NRXN1: variants seen among roughly 807,000 people sequenced by gnomAD.
NRXN1 encodes neurexin 1.
A neutral mutation model predicts 150.9 loss-of-function variants in NRXN1; 39 were observed. That is an observed-to-expected ratio of 0.26 (90% confidence interval 0.20 to 0.34). NRXN1 has a LOEUF of 0.34. NRXN1 is among the 10% of genes least tolerant of loss of function. The pLI is 1.00. For missense variants in NRXN1, 1,815 were observed against 1,949.9 expected (o/e 0.93, Z 1.30); for synonymous variants, 924 against 757.0 (o/e 1.22, Z -3.62).
intron 10 of NRXN1, among the ~76,000 whole-genome samples, chr2:50,533,186 C>A (rs547550615): frequency 1.5e-4 from 23 of 152,240 alleles, no homozygotes; most frequent in African/African-American, 5.1e-4. Flanking sequence ...GCTCCCTTCT[C>A]TTTTCCATCT....
At chr2:50,446,508 G>A (rs1211652863) in intron 17 of NRXN1, among the ~76,000 whole-genome samples, 2 of 73,744 alleles carry the variant, frequency 2.7e-5, no homozygotes, top group African/African-American at 5.4e-5. Flanking sequence ...CTCCTTCCCC[G>A]TCTTCCTCCC....
intron 5 of NRXN1, among the ~76,000 whole-genome samples, chr2:50,788,093 G>A (rs1452251032): frequency 3.3e-5 from 5 of 150,120 alleles, no homozygotes; most frequent in East Asian, 2.0e-4. Context: ...TCTTCCCCTC[G>A]CCACCTTTTT....
At chr2:50,108,366 C>T (rs1167180383) in intron 18 of NRXN1, among the ~76,000 whole-genome samples, 18 of 151,868 alleles carry the variant, frequency 1.2e-4, no homozygotes. Flanking sequence ...ATATAATAAC[C>T]GATTTTAGCT....
chr2:50,023,385 T>G (rs562977930), intron 21 of NRXN1: 3 of 152,304 alleles, frequency 2.0e-5, no homozygotes, highest in African/African-American at 4.8e-5. Flanking sequence ...CCCCTGGTAC[T>G]GTCCAACTAA....
At chr2:50,899,303 C>T (rs17041094) in intron 5 of NRXN1, among the ~76,000 whole-genome samples, 19,179 of 152,100 alleles carry the variant, frequency 0.13, 1,436 homozygotes, top group East Asian at 0.22. Context: ...CAATTGAAAA[C>T]GTTATCAGAT....
intron 18 of NRXN1, among the ~76,000 whole-genome samples, chr2:50,192,952 T>C (rs985588857): frequency 2.0e-5 from 3 of 152,160 alleles, no homozygotes; most frequent in Admixed American, 1.3e-4. Context: ...AAAATACATA[T>C]TTTTAAAGGG....
intron 21 of NRXN1, chr2:50,023,819 T>G (rs556567348): frequency 2.0e-5 from 3 of 152,288 alleles, no homozygotes; most frequent in African/African-American, 7.2e-5. Context: ...AATACATTTT[T>G]CATAAAAGTA....
At chr2:50,978,066 G>T (rs1236314774) in intron 2 of NRXN1, among the ~76,000 whole-genome samples, 2 of 150,868 alleles carry the variant, frequency 1.3e-5, no homozygotes, top group South Asian at 2.1e-4. Flanking sequence ...GCAAAATATT[G>T]CCCTACTGAT....
At chr2:50,382,588 C>A (rs2081048880) in intron 17 of NRXN1, among the ~76,000 whole-genome samples, 1 of 152,134 alleles carries the variant, frequency 6.6e-6, no homozygotes, top group Non-Finnish European at 1.5e-5. Flanking sequence ...CACAGCATTC[C>A]AGGTCTGAAA....
intron 15 of NRXN1, among the ~76,000 whole-genome samples, chr2:50,494,095 A>G (rs920605714): frequency 1.1e-4 from 16 of 152,208 alleles, no homozygotes; most frequent in Non-Finnish European, 2.2e-4. Context: ...TTAATGAAAA[A>G]TAAGCAGATA....
intron 5 of NRXN1, among the ~76,000 whole-genome samples, chr2:50,667,878 T>C (rs558948658): frequency 6.6e-6 from 1 of 152,162 alleles, no homozygotes; most frequent in East Asian, 1.9e-4. Flanking sequence ...CAAAGTTTAC[T>C]AGCATCTTTC....
intron 17 of NRXN1, among the ~76,000 whole-genome samples, chr2:50,310,757 A>G (rs1020787909): frequency 6.6e-6 from 1 of 152,166 alleles, no homozygotes; most frequent in African/African-American, 2.4e-5. Flanking sequence ...ATGCATAATT[A>G]GATATGTTTA....
chr2:50,983,526 A>G (rs1697174892), intron 2 of NRXN1, among the ~76,000 whole-genome samples: 1 of 152,026 alleles, frequency 6.6e-6, no homozygotes, highest in Admixed American at 6.6e-5. Context: ...GTTTCTTCCT[A>G]TACTAGGGAT....
At chr2:50,624,027 A>G (rs1230803007) in intron 5 of NRXN1, among the ~76,000 whole-genome samples, 4 of 152,018 alleles carry the variant, frequency 2.6e-5, no homozygotes, top group Non-Finnish European at 5.9e-5. Context: ...GAGTGAGAAC[A>G]TGTGGTGTTT....
chr2:50,829,698 G>A (rs144920027), intron 5 of NRXN1: 57,360 of 1,603,948 alleles, frequency 0.036, 2,247 homozygotes, highest in East Asian at 0.22. Context: ...GCGCCAGGCC[G>A]CCCGCACACC....
At chr2:50,127,299 A>G (rs980050812) in intron 18 of NRXN1, among the ~76,000 whole-genome samples, 5 of 152,176 alleles carry the variant, frequency 3.3e-5, no homozygotes, top group Non-Finnish European at 5.9e-5. Context: ...ACACCAAAAC[A>G]CTGCGCTATT....
At chr2:50,855,682 AT>A (rs1194293385) in intron 5 of NRXN1, among the ~76,000 whole-genome samples, 1 of 151,988 alleles carries the variant, frequency 6.6e-6, no homozygotes, top group Non-Finnish European at 1.5e-5. Flanking sequence ...ATTTAAAATA[AT>A]TTTTTTCTAC....
chr2:49,966,319 T>C (rs544845820), intron 21 of NRXN1, among the ~76,000 whole-genome samples: 3 of 152,174 alleles, frequency 2.0e-5, no homozygotes, highest in Non-Finnish European at 4.4e-5. Flanking sequence ...TTCTTCATTA[T>C]GGAAATGGAA....
chr2:50,254,368 C>G (rs1046523157), intron 17 of NRXN1, among the ~76,000 whole-genome samples: 5 of 151,248 alleles, frequency 3.3e-5, no homozygotes, highest in Non-Finnish European at 5.9e-5. Flanking sequence ...AGACCAGCTC[C>G]TGGATTCATT....
Sources: allele counts gnomAD v4.1 joint callset (sites outside exome capture counted in the v4.1 genomes callset), GRCh38; gene constraint gnomAD v4.1.1; transcripts MANE v1.5; gene names NCBI Gene and HGNC (gene_info 2026-07-23, HGNC 2026-07-21).